KCNT2: variants seen among roughly 807,000 people sequenced by gnomAD.
The protein encoded by KCNT2 is potassium channel subfamily T member 2.
In KCNT2, 67 loss-of-function variants were observed where a neutral mutation model predicts 153.8. That is an observed-to-expected ratio of 0.44 (90% confidence interval 0.36 to 0.53). The LOEUF (loss-of-function observed/expected upper bound fraction) is 0.53, where lower values mean the gene tolerates loss of function less well. Ranked by LOEUF, KCNT2 falls within the 20% of genes least tolerant of loss-of-function variation. KCNT2 has a pLI of 0.00. For synonymous variants in KCNT2, 500 were observed against 458.8 expected, an observed-to-expected ratio of 1.09 and a Z score of -1.15; for missense variants, 975 against 1,354.8, an observed-to-expected ratio of 0.72 and a Z score of 4.40.
chr1:196,479,701 G>A (rs1678848042), intron 4 of KCNT2, among the ~76,000 whole-genome samples: 2 of 152,086 alleles, frequency 1.3e-5, no homozygotes, highest in Admixed American at 6.5e-5. Context: ...GTGAGCCACC[G>A]TACCCAGCTA....
At chr1:196,406,327 A>G (rs1007518060) in intron 12 of KCNT2, among the ~76,000 whole-genome samples, 2 of 151,556 alleles carry the variant, frequency 1.3e-5, no homozygotes, top group Non-Finnish European at 3.0e-5. Context: ...TTAGAGAAGT[A>G]TGCTTCAAAT....
intron 21 of KCNT2, among the ~76,000 whole-genome samples, 193 bp from the exon 22 acceptor site, chr1:196,305,538 C>T (rs1447210785): frequency 1.3e-5 from 2 of 152,088 alleles, no homozygotes; most frequent in Non-Finnish European, 2.9e-5. Flanking sequence ...AATATTTTAA[C>T]AGACATTTTA....
intron 1 of KCNT2, among the ~76,000 whole-genome samples, chr1:196,570,066 G>GAAAAAAAAAA (rs1660585519): frequency 1.1e-5 from 1 of 91,438 alleles, no homozygotes; most frequent in African/African-American, 1.1e-4. Flanking sequence ...TTGAGCTAGA[G>GAAAAAAAAAA]TAAAAAAAAA....
chr1:196,581,622 G>A (rs539050212), intron 1 of KCNT2, among the ~76,000 whole-genome samples: 1 of 151,952 alleles, frequency 6.6e-6, no homozygotes, highest in Non-Finnish European at 1.5e-5. Flanking sequence ...GTATCCTAAG[G>A]AGATGGGGGA....
At chr1:196,254,388 C>T (rs376503462) in intron 26 of KCNT2, among the ~76,000 whole-genome samples, 5 of 151,488 alleles carry the variant, frequency 3.3e-5, no homozygotes, top group African/African-American at 9.6e-5. Context: ...AATAAAAATC[C>T]AGTGCCAATT....
chr1:196,416,805 A>G (rs1441740023), intron 12 of KCNT2, among the ~76,000 whole-genome samples: 1 of 152,120 alleles, frequency 6.6e-6, no homozygotes, highest in Non-Finnish European at 1.5e-5. Flanking sequence ...TTATTTTTAA[A>G]TGTACAATTG....
At chr1:196,485,652 C>T (rs1405574689) in intron 3 of KCNT2, among the ~76,000 whole-genome samples, 1 of 151,484 alleles carries the variant, frequency 6.6e-6, no homozygotes, top group Non-Finnish European at 1.5e-5. Flanking sequence ...AAAAAAAGTC[C>T]TACAAATCTC....
At chr1:196,257,972 T>C in intron 26 of KCNT2, 1 of 1,305,808 alleles carries the variant, frequency 7.7e-7, no homozygotes, top group Non-Finnish European at 9.8e-7. Context: ...TGTAATGGGT[T>C]TAGCACAGTA....
At chr1:196,236,153 C>A (rs1654417250) in intron 26 of KCNT2, 83 bp from the exon 27 acceptor site, 2 of 763,128 alleles carry the variant, frequency 2.6e-6, no homozygotes, top group East Asian at 2.5e-5. Context: ...ATATTCAAAC[C>A]ATATAACTGT....
At chr1:196,299,190 A>G (rs1214425139) in intron 22 of KCNT2, among the ~76,000 whole-genome samples, 3 of 151,990 alleles carry the variant, frequency 2.0e-5, no homozygotes, top group Non-Finnish European at 2.9e-5. Flanking sequence ...TTTCTTTTCC[A>G]TTTCTTTTCC....
chr1:196,418,749 A>G (rs187883585), intron 12 of KCNT2, among the ~76,000 whole-genome samples: 1 of 152,256 alleles, frequency 6.6e-6, no homozygotes, highest in Admixed American at 6.5e-5. Flanking sequence ...TTAATTACCT[A>G]TTTAAAAGCC....
rs1553271463 is a variant in KCNT2, at chr1:196,284,248, AATATATATATATAT to A, written c.2697+1395_2697+1408del. Among the ~76,000 whole-genome samples the A allele has an allele frequency of 6.0e-4, 6 of 10,050 alleles. 1 individual carries two copies. In the South Asian group the frequency reaches 0.025, roughly 42 times the overall value. 6.6% of individuals were successfully genotyped at this position (10,050 alleles called of 152,430 possible). On this transcript the variant is annotated intron_variant, in intron 23 of 27. Transcript: ENST00000294725. Reference sequence around the variant, plus strand: ...TCTGTCTTAAAAAAAAAAAAAAAAAAATATATATATATATATATATATATATATATAGTTCTAGT... The same window carrying A: ...TCTGTCTTAAAAAAAAAAAAAAAAAAATATATATATATATATAGTTCTAGT...
intron 1 of KCNT2, among the ~76,000 whole-genome samples, chr1:196,568,658 G>C (rs1348945679): frequency 2.0e-5 from 3 of 151,798 alleles, no homozygotes; most frequent in African/African-American, 7.3e-5. Flanking sequence ...CGGAGCTCAG[G>C]TGGTAATGCT....
At chr1:196,534,063 T>C (rs142315851) in intron 1 of KCNT2, among the ~76,000 whole-genome samples, 2 of 151,998 alleles carry the variant, frequency 1.3e-5, no homozygotes, top group Admixed American at 1.3e-4. Context: ...TATTCTTGCA[T>C]TCAGTGCACA....
chr1:196,404,599 T>C (rs533766895), intron 12 of KCNT2, among the ~76,000 whole-genome samples: 1 of 151,700 alleles, frequency 6.6e-6, no homozygotes, highest in East Asian at 2.0e-4. Flanking sequence ...CTCTCATCCC[T>C]GCTAAAAAGT....
At chr1:196,509,224 G>A (rs917614442) in intron 1 of KCNT2, among the ~76,000 whole-genome samples, 3 of 149,276 alleles carry the variant, frequency 2.0e-5, no homozygotes, top group Non-Finnish European at 4.4e-5. Flanking sequence ...AGCCGAGATA[G>A]TGCCACTGCC....
At chr1:196,509,608 G>T (rs1681448849) in intron 1 of KCNT2, among the ~76,000 whole-genome samples, 1 of 152,110 alleles carries the variant, frequency 6.6e-6, no homozygotes, top group Non-Finnish European at 1.5e-5. Context: ...CCAAAACAAG[G>T]ATAGAAATTA....
intron 1 of KCNT2, among the ~76,000 whole-genome samples, chr1:196,510,277 A>G (rs1042802071): frequency 4.6e-5 from 7 of 152,266 alleles, no homozygotes; most frequent in African/African-American, 1.7e-4. Context: ...ACTATTTACT[A>G]ATAAACCCTG....
Position 196,388,487 on chromosome 1 carries a change from A to G in KCNT2, c.1294+10076T>C, listed in dbSNP as rs184310356. Among the ~76,000 whole-genome samples, 16 of 151,810 alleles carry G rather than the reference A, an allele frequency of 1.1e-4. 1 individual carries two copies. In the East Asian group the frequency reaches 2.9e-3, roughly 28 times the overall value. ...ATTGAATCTGTAGGTTAATTTGGATATAATTAACATGTTAAAATATTGAAT... is the reference window on the plus strand; with the variant it reads ...ATTGAATCTGTAGGTTAATTTGGATGTAATTAACATGTTAAAATATTGAAT... On this transcript the variant is annotated intron_variant, in intron 13 of 27. Coordinates refer to ENST00000294725, the MANE Select transcript of KCNT2 (RefSeq NM_198503.5).
Sources: allele counts gnomAD v4.1 joint callset (sites outside exome capture counted in the v4.1 genomes callset), GRCh38; gene constraint gnomAD v4.1.1; transcripts MANE v1.5; gene names NCBI Gene and HGNC (gene_info 2026-07-23, HGNC 2026-07-21).